The following ZNF483 variants were observed in gnomAD, a reference collection of about 807,000 sequenced individuals.
The protein encoded by ZNF483 is zinc finger protein HIT-10.
Under a neutral mutation model 28.6 loss-of-function variants are expected in ZNF483, and 9 were observed. The ratio of observed to expected loss-of-function variants is 0.32; its 90% CI spans 0.19 to 0.55. ZNF483 has a LOEUF of 0.55. Among genes scored for constraint, ZNF483 ranks in the 20% least tolerant of loss-of-function variants. ZNF483 has a pLI of 0.93. For missense variants in ZNF483, 675 were observed against 871.7 expected (o/e 0.77, Z 2.84); for synonymous variants, 322 against 306.2 (o/e 1.05, Z -0.54).
rs747551397 is a variant in ZNF483 at position 111,527,109 on chromosome 9, A to G, written c.-128-159A>G. Among the ~76,000 whole-genome samples the G allele has an allele frequency of 1.8e-3, 280 of 152,176 alleles. 4 individuals carry two copies. Among genetic ancestry groups the G allele is most frequent in the Middle Eastern group, 9.5e-3 (3 of 316 alleles). ...AAGAGCGAAACTCCGTCTCAAAAAAAAAAAGAAAGAAAGTTATCCTTTTAA... is the reference window on the plus strand; with the variant it reads ...AAGAGCGAAACTCCGTCTCAAAAAAGAAAAGAAAGAAAGTTATCCTTTTAA... On this transcript the variant is annotated intron_variant, in intron 1 of 5. Coordinates refer to ENST00000309235, the MANE Select transcript of ZNF483 (RefSeq NM_133464.5).
chr9:111,529,521 G>T (rs1023584700), intron 2 of ZNF483, among the ~76,000 whole-genome samples: 1 of 152,152 alleles, frequency 6.6e-6, no homozygotes, highest in Non-Finnish European at 1.5e-5. Flanking sequence ...AGACTAACCT[G>T]GTGCTTTCAT....
chr9:111,543,050 C>T lies in ZNF483; in HGVS notation c.2115C>T (p.Ile705=), dbSNP rs1220865116. Residue 705 remains isoleucine (I), a synonymous_variant, in exon 6 of 6, where the codon ATC becomes ATT. Coordinates refer to ENST00000309235, the MANE Select transcript of ZNF483 (RefSeq NM_133464.5). ...GTGCAACCTTTAGTCGAAGCTCAATCCTTGTAGAACACCTAAAAATTCATA... is the reference window on the plus strand; with the variant it reads ...GTGCAACCTTTAGTCGAAGCTCAATTCTTGTAGAACACCTAAAAATTCATA... ...YCGATFSRSS[I]LVEHLKIHTG... 1 of 1,614,092 alleles carries T rather than the reference C, an allele frequency of 6.2e-7. No homozygotes were observed. Among genetic ancestry groups the T allele is most frequent in the South Asian group, 1.1e-5 (1 of 91,074 alleles).
At position 111,551,400 on chromosome 9, in the gene ZNF483, G is replaced by GTTTTTTTTT. The variant is rs58638722; in HGVS notation, c.*8247_*8255dup. On this transcript the variant is annotated 3_prime_UTR_variant, in exon 6 of 6. Transcript: ENST00000309235. ...TAACTGAATCAAGTATCCAGTTTTT[G>GTTTTTTTTT]TTTTTTTTTTTTTTTTTTTTTTTTT... 1.3e-4 allele frequency among the ~76,000 whole-genome samples: 10 copies of GTTTTTTTTT among 74,438 alleles called. No homozygotes were observed. Among genetic ancestry groups the GTTTTTTTTT allele is most frequent in the East Asian group, 4.5e-4 (1 of 2,224 alleles). The allele number at this position is 74,438 out of a possible 152,430, so 48.8% of individuals were successfully genotyped here. A position where few individuals can be genotyped will look rare whatever the true frequency, so the allele number is the denominator to read the frequency against.
intron 5 of ZNF483, among the ~76,000 whole-genome samples, chr9:111,561,199 G>GCAC (rs1828311882): frequency 6.8e-6 from 1 of 146,432 alleles, no homozygotes; most frequent in African/African-American, 2.5e-5. Context: ...GATTCTTCCT[G>GCAC]TCCAAGAGTA....
At position 111,527,572 on chromosome 9, in the gene ZNF483, T is replaced by C; in HGVS notation, c.177T>C (p.Cys59=). 6.2e-7 allele frequency: 1 copy of C among 1,614,256 alleles called. No homozygotes were observed. Among genetic ancestry groups the C allele is most frequent in the South Asian group, 1.1e-5 (1 of 91,090 alleles). ...TCAGACAGAGGTTTAGGTGGTTTTG[T>C]TACTCAGAAGTAGCTGGACCCAGGA... The part of the protein sequence containing the change: ...ESFRQRFRWF[C]YSEVAGPRKA... Residue 59 remains cysteine, a synonymous_variant, in exon 2 of 6, where the codon TGT becomes TGC. Coordinates refer to ENST00000309235, the MANE Select transcript of ZNF483 (RefSeq NM_133464.5).
intron 5 of ZNF483, among the ~76,000 whole-genome samples, chr9:111,536,826 G>T (rs1002013544): frequency 2.0e-5 from 3 of 151,718 alleles, no homozygotes; most frequent in Non-Finnish European, 4.4e-5. Context: ...AATTACATAT[G>T]TTATGTGTTT....
At chr9:111,525,480 C>T (rs964571177) in intron 1 of ZNF483, among the ~76,000 whole-genome samples, 27 of 141,874 alleles carry the variant, frequency 1.9e-4, no homozygotes, top group African/African-American at 7.1e-4. Context: ...ACATTTTGGG[C>T]GGGATAATGC....
Position 111,533,872 on chromosome 9 carries a change from A to G in ZNF483, c.628+7A>G, listed in dbSNP as rs1241812021. ...AGGAACCTAGAATTTCTGGGTAAAG[A>G]CACCTTTTCTTCATTACCTAGCGTT... On this transcript the variant is annotated splice_region_variant and intron_variant, in intron 4 of 5. Coordinates refer to ENST00000309235, the MANE Select transcript of ZNF483 (RefSeq NM_133464.5). 3.8e-6 allele frequency: 6 copies of G among 1,588,576 alleles called. No homozygotes were observed. Among genetic ancestry groups the G allele is most frequent in the South Asian group, 1.2e-5 (1 of 85,484 alleles).
At position 111,542,459 on chromosome 9, in the gene ZNF483, T is replaced by A; in HGVS notation, c.1524T>A (p.Ala508=). Residue 508 remains alanine, a synonymous_variant, in exon 6 of 6, where the codon GCT becomes GCA. Coordinates refer to ENST00000309235, the MANE Select transcript of ZNF483 (RefSeq NM_133464.5). This position sits in a 1 kb window ranked among gnomAD's most constrained non-coding sequence, Gnocchi z 6.2. ...GTGGGAAAGGTTTCACCCTAAGTGC[T>A]CACCTCATTAAACATCAGAGAATTC... ...DDCGKGFTLS[A]HLIKHQRIHT... 6.2e-7 allele frequency: 1 copy of A among 1,614,122 alleles called. No homozygotes were observed. Among genetic ancestry groups the A allele is most frequent in the Non-Finnish European group, 8.5e-7 (1 of 1,180,016 alleles).
At chr9:111,538,761 C>T (rs1465591809) in intron 5 of ZNF483, among the ~76,000 whole-genome samples, 1 of 151,980 alleles carries the variant, frequency 6.6e-6, no homozygotes, top group African/African-American at 2.4e-5. Flanking sequence ...ATTTACGACA[C>T]ACCAGAGAAA....
chr9:111,566,220 T>G (rs1353792798), intron 5 of ZNF483, among the ~76,000 whole-genome samples: 1 of 151,738 alleles, frequency 6.6e-6, no homozygotes, highest in Non-Finnish European at 1.5e-5. Context: ...AATAAATAAA[T>G]AAATAAATAA....
chr9:111,539,105 T>C (rs1040529152), intron 5 of ZNF483, among the ~76,000 whole-genome samples: 1 of 88,720 alleles, frequency 1.1e-5, no homozygotes, highest in Non-Finnish European at 1.9e-5. Context: ...AGAGCGAGAC[T>C]CCGTCTCAAA....
rs1370309030 is a variant in ZNF483, at chr9:111,549,829, T to C, written c.*6659T>C. ...CAACACAATCAGAACATTTAGCTCT[T>C]TGAGCATCTTTAAGGCAGTTGCTTT... On this transcript the variant is annotated 3_prime_UTR_variant, in exon 6 of 6. Transcript: ENST00000309235. 7.9e-6 allele frequency: 11 copies of C among 1,398,430 alleles called. No individual in the cohort carries two copies. The East Asian group carries it at 2.5e-4, about 32-fold the overall frequency. 86.6% of individuals were successfully genotyped at this position (1,398,430 alleles called of 1,614,324 possible). A position where few individuals can be genotyped will look rare whatever the true frequency, so the allele number is the denominator to read the frequency against.
chr9:111,537,131 A>G (rs1827527078), intron 5 of ZNF483, among the ~76,000 whole-genome samples: 1 of 152,218 alleles, frequency 6.6e-6, no homozygotes, highest in South Asian at 2.1e-4. Context: ...ACACAGTGAA[A>G]AATAGGAGGG....
chr9:111,527,843 A>G, intron 2 of ZNF483, 36 bp downstream of exon 2: 1 of 1,614,142 alleles, frequency 6.2e-7, no homozygotes, highest in Admixed American at 1.7e-5. Flanking sequence ...AGCGGGAGAC[A>G]TTGCCTCAAA....
intron 5 of ZNF483, chr9:111,575,570 A>G (rs889078689): frequency 2.6e-5 from 4 of 152,252 alleles, no homozygotes; most frequent in African/African-American, 9.6e-5. Flanking sequence ...AATGGAACTG[A>G]ATCACGAGTC....
At chr9:111,576,361 G>GCAGA in intron 5 of ZNF483, 1 of 1,614,002 alleles carries the variant, frequency 6.2e-7, no homozygotes, top group Non-Finnish European at 8.5e-7. Context: ...CTGGTCACTT[G>GCAGA]CAGACATACA....
intron 5 of ZNF483, among the ~76,000 whole-genome samples, chr9:111,567,564 C>A (rs1037797381): frequency 1.3e-5 from 2 of 149,852 alleles, no homozygotes; most frequent in Non-Finnish European, 2.9e-5. Flanking sequence ...GAGACTGGGC[C>A]AAGTAAATAA....
In ZNF483 at chr9:111,561,110, T is replaced by TATATATAGAGAG. The variant is rs1457364862; in HGVS notation, c.722-15254_722-15253insTATATAGAGAGA. 2.2e-3 allele frequency among the ~76,000 whole-genome samples: 42 copies of TATATATAGAGAG among 19,186 alleles called. 1 individual carries two copies. Among genetic ancestry groups the TATATATAGAGAG allele is most frequent in the Non-Finnish European group, 2.7e-3 (32 of 11,992 alleles). 12.6% of individuals were successfully genotyped at this position (19,186 alleles called of 152,430 possible). A position where few individuals can be genotyped will look rare whatever the true frequency, so the allele number is the denominator to read the frequency against. On this transcript the variant is annotated intron_variant, in intron 5 of 5. Coordinates refer to the ZNF483 transcript ENST00000358151. Reference sequence around the variant, plus strand: ...ATATATATATATATATATATATATATAGAGAGAGAGAGAGAGAGAGAGAGA... The same window carrying TATATATAGAGAG: ...ATATATATATATATATATATATATATATATATAGAGAGAGAGAGAGAGAGAGAGAGAGAGAGA...
Sources: allele counts gnomAD v4.1 joint callset (sites outside exome capture counted in the v4.1 genomes callset), GRCh38; gene constraint gnomAD v4.1.1; non-coding constraint Gnocchi (gnomAD v3.1); transcripts MANE v1.5; gene names NCBI Gene and HGNC (gene_info 2026-07-23, HGNC 2026-07-21).